The following SLIT3 variants were observed in gnomAD, a reference collection of about 807,000 sequenced individuals.
SLIT3 encodes slit homolog 3 protein.
SLIT3 carries 68 observed loss-of-function variants against 184.0 expected under a neutral mutation model. That is an observed-to-expected ratio of 0.37 (90% CI 0.30 to 0.45). SLIT3 has a LOEUF of 0.45. Ranked by LOEUF, SLIT3 falls within the 20% of genes least tolerant of loss-of-function variation. The pLI is 1.00. For synonymous variants in SLIT3, 831 were observed against 828.6 expected (o/e 1.00, Z -0.05); for missense variants, 1,707 against 2,026.0 (o/e 0.84, Z 3.02).
intron 4 of SLIT3, among the ~76,000 whole-genome samples, chr5:169,054,384 A>G (rs930175772): frequency 2.0e-5 from 3 of 152,070 alleles, no homozygotes; most frequent in Non-Finnish European, 4.4e-5. Context: ...CCACACCTGG[A>G]TTTTGGACTT....
At chr5:168,965,415 C>A (rs996609679) in intron 4 of SLIT3, among the ~76,000 whole-genome samples, 1 of 152,156 alleles carries the variant, frequency 6.6e-6, no homozygotes, top group Non-Finnish European at 1.5e-5. Context: ...TTGATGGGAC[C>A]TTTGCTCTTG....
At chr5:168,748,156 A>T (rs1754554821) in intron 20 of SLIT3, 146 bp downstream of exon 20, 1 of 903,528 alleles carries the variant, frequency 1.1e-6, no homozygotes, top group African/African-American at 1.7e-5. Context: ...TGAGGGCTCC[A>T]CTGCCATCTT....
chr5:169,191,764 G>T (rs911711924), intron 4 of SLIT3, among the ~76,000 whole-genome samples: 3 of 152,054 alleles, frequency 2.0e-5, no homozygotes, highest in Non-Finnish European at 2.9e-5. Flanking sequence ...TTCCTACTTT[G>T]CCTGGATCAA....
chr5:168,960,496 A>C (rs1051155583), intron 4 of SLIT3, among the ~76,000 whole-genome samples: 15 of 152,266 alleles, frequency 9.9e-5, no homozygotes. Context: ...CTAGGATTAT[A>C]GTAAATTGTT....
At chr5:168,707,813 G>A in intron 26 of SLIT3, 163 bp downstream of exon 26, 5 of 767,052 alleles carry the variant, frequency 6.5e-6, no homozygotes, top group Non-Finnish European at 1.0e-5. Context: ...AGAGAACAGT[G>A]TTACTGGCAA....
chr5:168,717,000 GT>G (rs1338812590), intron 23 of SLIT3, among the ~76,000 whole-genome samples: 3 of 136,990 alleles, frequency 2.2e-5, no homozygotes, highest in Non-Finnish European at 4.6e-5. Context: ...GATTCCCCCA[GT>G]GCATATGCCT....
chr5:168,784,848 C>T (rs1371203891), intron 12 of SLIT3, among the ~76,000 whole-genome samples: 1 of 151,894 alleles, frequency 6.6e-6, no homozygotes, highest in Non-Finnish European at 1.5e-5. Context: ...CTGCCTGTGA[C>T]TTGGAGGTGA....
At chr5:168,838,693 C>G (rs555782667) in intron 6 of SLIT3, among the ~76,000 whole-genome samples, 1 of 152,274 alleles carries the variant, frequency 6.6e-6, no homozygotes, top group South Asian at 2.1e-4. Flanking sequence ...CACACCCTGA[C>G]CTAGGTTTCA....
chr5:168,793,822 G>T (rs1756471515), intron 10 of SLIT3, among the ~76,000 whole-genome samples: 1 of 151,916 alleles, frequency 6.6e-6, no homozygotes, highest in Non-Finnish European at 1.5e-5. Flanking sequence ...TGCATGGAGA[G>T]CGGGCTGGGG....
chr5:168,720,174 C>T (rs955932885), intron 23 of SLIT3: 8 of 152,302 alleles, frequency 5.3e-5, no homozygotes, highest in African/African-American at 1.9e-4. Flanking sequence ...CCTCGGCCTC[C>T]CAAAGTGCTG....
chr5:169,143,395 G>T (rs1456087417), intron 4 of SLIT3, among the ~76,000 whole-genome samples: 2 of 152,214 alleles, frequency 1.3e-5, no homozygotes. Flanking sequence ...AAGTTATGTG[G>T]CTAAAGGTTA....
intron 1 of SLIT3, among the ~76,000 whole-genome samples, chr5:169,281,421 G>A (rs947364599): frequency 6.6e-6 from 1 of 152,148 alleles, no homozygotes; most frequent in African/African-American, 2.4e-5. Flanking sequence ...GGTTGCAGTA[G>A]GCCGAGATGG....
intron 3 of SLIT3, among the ~76,000 whole-genome samples, chr5:169,234,665 C>A (rs188657725): frequency 2.6e-5 from 4 of 152,230 alleles, no homozygotes; most frequent in Admixed American, 2.6e-4. Flanking sequence ...ACCTCAGCCT[C>A]CCAAAGTGCT....
intron 4 of SLIT3, among the ~76,000 whole-genome samples, chr5:169,108,886 A>T (rs1760312624): frequency 6.6e-6 from 1 of 152,222 alleles, no homozygotes; most frequent in Non-Finnish European, 1.5e-5. Flanking sequence ...GGCTGAGTGA[A>T]GAAAAGACTG....
chr5:169,062,077 G>A (rs779717530), intron 4 of SLIT3, among the ~76,000 whole-genome samples: 6 of 152,198 alleles, frequency 3.9e-5, no homozygotes, highest in East Asian at 1.9e-4. Flanking sequence ...CCAGCTACTC[G>A]GGAGGCTGAG....
intron 8 of SLIT3, among the ~76,000 whole-genome samples, chr5:168,815,762 G>T (rs1286722727): frequency 1.3e-5 from 2 of 152,252 alleles, no homozygotes; most frequent in Non-Finnish European, 2.9e-5. Context: ...TCGCAAGTGT[G>T]ATCTAAGAGC....
chr5:168,913,755 A>AAAAC (rs1385061097), intron 4 of SLIT3, among the ~76,000 whole-genome samples: 1 of 150,724 alleles, frequency 6.6e-6, no homozygotes, highest in Non-Finnish European at 1.5e-5. Context: ...AAAAAAAACA[A>AAAAC]ACAAACAAAA....
chr5:169,267,194 G>A (rs1323563754), intron 1 of SLIT3, among the ~76,000 whole-genome samples: 1 of 152,058 alleles, frequency 6.6e-6, no homozygotes, highest in Non-Finnish European at 1.5e-5. Flanking sequence ...CCTGTCTATG[G>A]TCACAAGCTG....
intron 4 of SLIT3, among the ~76,000 whole-genome samples, chr5:169,124,036 C>T (rs79396641): frequency 0.013 from 2,001 of 152,228 alleles, 37 homozygotes; most frequent in African/African-American, 0.045. Context: ...GGGTTTCAGA[C>T]GGAAATCATT....
Sources: allele counts gnomAD v4.1 joint callset (sites outside exome capture counted in the v4.1 genomes callset), GRCh38; gene constraint gnomAD v4.1.1; transcripts MANE v1.5; gene names NCBI Gene and HGNC (gene_info 2026-07-23, HGNC 2026-07-21).